NUDT7: variants seen among roughly 807,000 people sequenced by gnomAD.
NUDT7 encodes nudix hydrolase 7, also known as peroxisomal coenzyme A diphosphatase NUDT7.
In NUDT7, 19 loss-of-function variants were observed where a neutral mutation model predicts 13.1. That is an observed-to-expected ratio of 1.45 (90% CI 1.01 to 2.13). The LOEUF is 2.13. Among genes scored for constraint, NUDT7 ranks in the 30% most tolerant of loss-of-function variants. NUDT7 has a pLI of 0.00. For missense variants in NUDT7, 360 were observed against 291.7 expected, an observed-to-expected ratio of 1.23 and a Z score of -1.71; for synonymous variants, 132 against 109.7, an observed-to-expected ratio of 1.20 and a Z score of -1.27.
rs527686195 is a variant in NUDT7, at chr16:77,723,249, G to A, written c.35+632G>A. On this transcript the variant is annotated intron_variant, in intron 1 of 3. Coordinates refer to ENST00000268533, the MANE Select transcript of NUDT7 (RefSeq NM_001105663.3). ...GGTGGTTAAAAGCCACCAGCCCACA[G>A]TTTCCTTTTCTGGAGGCTGGCCTGC... Among the ~76,000 whole-genome samples, 25 of 152,326 alleles carry A rather than the reference G, an allele frequency of 1.6e-4. No homozygotes were observed. In the East Asian group the frequency reaches 4.6e-3, roughly 28 times the overall value.
intron 2 of NUDT7, among the ~76,000 whole-genome samples, chr16:77,729,317 G>A (rs1173421045): frequency 6.6e-6 from 1 of 151,928 alleles, no homozygotes; most frequent in African/African-American, 2.4e-5. Flanking sequence ...ATGCTTTGAA[G>A]TATATATTCA....
At chr16:77,727,720 G>A (rs1022311122) in intron 2 of NUDT7, among the ~76,000 whole-genome samples, 1 of 152,134 alleles carries the variant, frequency 6.6e-6, no homozygotes, top group South Asian at 2.1e-4. Context: ...GCCAGGCGTG[G>A]TGGTGGGTGC....
At chr16:77,736,051 G>C in intron 3 of NUDT7, 65 bp downstream of exon 3, 1 of 1,466,488 alleles carries the variant, frequency 6.8e-7, no homozygotes, top group Non-Finnish European at 9.5e-7. Context: ...CTGTTCTCAG[G>C]ATTCCACATT....
intron 2 of NUDT7, among the ~76,000 whole-genome samples, chr16:77,727,676 G>A (rs777342095): frequency 4.6e-5 from 7 of 152,178 alleles, no homozygotes; most frequent in African/African-American, 1.2e-4. Context: ...CCAACATGGC[G>A]AAACCCTGTC....
Position 77,729,359 on chromosome 16 carries a change from T to A in NUDT7, c.189+3775T>A, listed in dbSNP as rs74523547. ...AATGACTAAATCTAGCTAATTAATT[T>A]ACTACCTCACATCATAGTAACATAC... On this transcript the variant is annotated intron_variant, in intron 2 of 3. Coordinates refer to ENST00000268533, the MANE Select transcript of NUDT7 (RefSeq NM_001105663.3). Among the ~76,000 whole-genome samples, 478 of 152,292 alleles carry A rather than the reference T, an allele frequency of 3.1e-3. 4 individuals are homozygous for A. Among genetic ancestry groups the A allele is most frequent in the African/African-American group, 0.011 (455 of 41,552 alleles).
intron 2 of NUDT7, 76 bp downstream of exon 2, chr16:77,725,660 C>T (rs757000940): frequency 7.4e-7 from 1 of 1,357,424 alleles, no homozygotes; most frequent in Non-Finnish European, 1.0e-6. Context: ...CACTTGCACA[C>T]ACTTTGATGC....
intron 2 of NUDT7, chr16:77,735,567 C>T (rs2014452662): frequency 1.8e-6 from 1 of 546,734 alleles, no homozygotes; most frequent in Non-Finnish European, 3.3e-6. Context: ...TTATTTATAG[C>T]AGTGCAAGAA....
chr16:77,728,237 T>C (rs758767145), intron 2 of NUDT7, among the ~76,000 whole-genome samples: 5 of 151,930 alleles, frequency 3.3e-5, no homozygotes, highest in African/African-American at 9.7e-5. Flanking sequence ...CTCGAACAAG[T>C]TTTTCTTTTT....
At chr16:77,734,315 A>G (rs2014409111) in intron 2 of NUDT7, among the ~76,000 whole-genome samples, 1 of 152,182 alleles carries the variant, frequency 6.6e-6, no homozygotes, top group South Asian at 2.1e-4. Flanking sequence ...TGAAAATGGA[A>G]ATAATAATAG....
At chr16:77,729,498 T>C (rs552832298) in intron 2 of NUDT7, among the ~76,000 whole-genome samples, 1 of 152,260 alleles carries the variant, frequency 6.6e-6, no homozygotes, top group East Asian at 1.9e-4. Flanking sequence ...TAACATGTCA[T>C]CATACATATT....
chr16:77,740,337 G>C (rs1159168081), intron 3 of NUDT7, among the ~76,000 whole-genome samples: 1 of 152,074 alleles, frequency 6.6e-6, no homozygotes, highest in African/African-American at 2.4e-5. Context: ...GCCTCACCAT[G>C]TGTCTACCTC....
rs541200284 is a variant in NUDT7 at position 77,724,151 on chromosome 16, G to C, written c.36-1280G>C. Among the ~76,000 whole-genome samples, 113 of 152,270 alleles carry C rather than the reference G, an allele frequency of 7.4e-4. 1 individual carries two copies. Among genetic ancestry groups the C allele is most frequent in the African/African-American group, 2.7e-3 (111 of 41,558 alleles). ...GGGTGACCTTTCCTTGCCTCTTCCA[G>C]TTTCTGGTGGTTTCTGGCATTCCTT... On this transcript the variant is annotated intron_variant, in intron 1 of 3. Transcript: ENST00000268533.
At chr16:77,729,811 C>T (rs1033393989) in intron 2 of NUDT7, among the ~76,000 whole-genome samples, 1 of 151,594 alleles carries the variant, frequency 6.6e-6, no homozygotes, top group African/African-American at 2.4e-5. Context: ...GGCAACAGAG[C>T]GAGACTCTAT....
intron 2 of NUDT7, among the ~76,000 whole-genome samples, chr16:77,731,183 A>T (rs1313318317): frequency 6.6e-6 from 1 of 152,146 alleles, no homozygotes; most frequent in African/African-American, 2.4e-5. Flanking sequence ...CTTGAGAGCA[A>T]TGTTCTCACT....
chr16:77,739,864 A>G (rs2014604432), intron 3 of NUDT7, among the ~76,000 whole-genome samples: 2 of 152,146 alleles, frequency 1.3e-5, no homozygotes, highest in Admixed American at 1.3e-4. Context: ...GCTGGGGAGC[A>G]TGAAATCCCA....
At chr16:77,736,652 A>T in intron 3 of NUDT7, 1 of 266,630 alleles carries the variant, frequency 3.8e-6, no homozygotes, top group South Asian at 3.4e-5. Context: ...TTTTATAGAG[A>T]TGGGGGTCTC....
chr16:77,736,746 G>A (rs1456109847), intron 3 of NUDT7: 2 of 215,858 alleles, frequency 9.3e-6, no homozygotes, highest in South Asian at 5.9e-5. Flanking sequence ...GATTACAGGT[G>A]TGAACCACTG....
rs2014662489 is a variant in NUDT7 at position 77,741,594 on chromosome 16, A to T, written c.361A>T (p.Ile121Leu). Residue 121 changes from isoleucine to leucine, a missense_variant, in exon 4 of 4, where the codon ATA becomes TTA. By Grantham distance (5) the Ile-to-Leu change is conservative (BLOSUM62 2). Transcript: ENST00000268533. ...VPCLIDTDTL[I>L]TPFVGLIDHN... Reference sequence around the variant, plus strand: ...TTTCTGCTTTTAGACAGATACATTGATAACTCCATTTGTGGGTTTAATAGA... The same window carrying T: ...TTTCTGCTTTTAGACAGATACATTGTTAACTCCATTTGTGGGTTTAATAGA... The T allele has an allele frequency of 6.2e-7, 1 of 1,606,366 alleles. No individual in the cohort carries two copies. Among genetic ancestry groups the T allele is most frequent in the Non-Finnish European group, 8.5e-7 (1 of 1,177,680 alleles).
chr16:77,727,638 T>G (rs898251211), intron 2 of NUDT7, among the ~76,000 whole-genome samples: 3 of 152,230 alleles, frequency 2.0e-5, no homozygotes, highest in Non-Finnish European at 2.9e-5. Flanking sequence ...GCGGATCACC[T>G]GAGGTCAGGA....
Sources: allele counts gnomAD v4.1 joint callset (sites outside exome capture counted in the v4.1 genomes callset), GRCh38; gene constraint gnomAD v4.1.1; transcripts MANE v1.5; gene names NCBI Gene and HGNC (gene_info 2026-07-23, HGNC 2026-07-21).